The following LARGE1 variants were observed in gnomAD, a reference collection of about 807,000 sequenced individuals.
The protein encoded by LARGE1 is xylosyl- and glucuronyltransferase LARGE1.
Under a neutral mutation model 87.6 loss-of-function variants are expected in LARGE1, and 43 were observed. That is an observed-to-expected ratio of 0.49 (90% confidence interval 0.38 to 0.63). LARGE1 has a LOEUF of 0.63. Among genes scored for constraint, LARGE1 ranks in the 30% least tolerant of loss-of-function variants. The probability of loss-of-function intolerance (pLI) is 0.00; values close to 1 mark genes in which losing one functional copy is unlikely to be tolerated. For synonymous variants in LARGE1, 434 were observed against 394.6 expected (o/e 1.10, Z -1.18); for missense variants, 802 against 1,000.2 (o/e 0.80, Z 2.67).
intron 11 of LARGE1, among the ~76,000 whole-genome samples, chr22:33,170,558 G>C (rs563953143): frequency 4.6e-5 from 7 of 152,094 alleles, no homozygotes; most frequent in African/African-American, 1.7e-4. Flanking sequence ...CAATGAGGGA[G>C]ATATCATAAG....
chr22:33,915,042 C>CACACACAGAG (rs144076486), intron 1 of LARGE1, among the ~76,000 whole-genome samples: 25,157 of 136,176 alleles, frequency 0.18, 2,632 homozygotes, highest in East Asian at 0.34. Flanking sequence ...CACACACACA[C>CACACACAGAG]AGAGAGAGAG....
chr22:33,652,764 G>C (rs1393770193), intron 2 of LARGE1, among the ~76,000 whole-genome samples: 2 of 152,188 alleles, frequency 1.3e-5, no homozygotes, highest in African/African-American at 4.8e-5. Flanking sequence ...ACTTGTGCTT[G>C]TGTCGGCCTC....
chr22:33,280,153 A>G (rs187994958), intron 13 of LARGE1, among the ~76,000 whole-genome samples: 28 of 152,270 alleles, frequency 1.8e-4, no homozygotes, highest in African/African-American at 6.5e-4. Flanking sequence ...CTGGGTTCCA[A>G]TTCTGTCATT....
At chr22:33,851,894 C>G (rs967534473) in intron 1 of LARGE1, among the ~76,000 whole-genome samples, 3 of 152,194 alleles carry the variant, frequency 2.0e-5, no homozygotes, top group Admixed American at 6.5e-5. Context: ...TGAGCTGAGA[C>G]TGGGGAATGT....
At chr22:33,553,499 CA>C (rs1302123156) in intron 6 of LARGE1, among the ~76,000 whole-genome samples, 3 of 152,100 alleles carry the variant, frequency 2.0e-5, no homozygotes, top group African/African-American at 4.8e-5. Context: ...CTGGGTGACA[CA>C]ACAAGACCCT....
Position 33,827,710 on chromosome 22 carries a change from T to C in LARGE1, c.-82-66152A>G, listed in dbSNP as rs780611693. On this transcript the variant is annotated intron_variant, in intron 1 of 14. Transcript: ENST00000397394. Reference sequence around the variant, plus strand: ...GCTGACATCGTGGTGTAGAGCCAAGTGGGCCCGTCACGGAGACTGGGAAGG... The same window carrying C: ...GCTGACATCGTGGTGTAGAGCCAAGCGGGCCCGTCACGGAGACTGGGAAGG... 1.1e-3 allele frequency among the ~76,000 whole-genome samples: 164 copies of C among 152,282 alleles called. 1 individual carries two copies. Among genetic ancestry groups the C allele is most frequent in the Non-Finnish European group, 1.9e-3 (130 of 68,012 alleles).
intron 2 of LARGE1, among the ~76,000 whole-genome samples, chr22:33,753,756 C>T (rs187594792): frequency 1.1e-4 from 16 of 152,156 alleles, no homozygotes; most frequent in East Asian, 7.7e-4. Context: ...CCAAAGGCTA[C>T]GTATAAGAAA....
chr22:33,675,729 A>G (rs1379873861), intron 2 of LARGE1, among the ~76,000 whole-genome samples: 1 of 152,186 alleles, frequency 6.6e-6, no homozygotes, highest in Non-Finnish European at 1.5e-5. Flanking sequence ...ATAACTCTCC[A>G]ATAACCACTC....
At chr22:33,752,656 G>C (rs1479718943) in intron 2 of LARGE1, among the ~76,000 whole-genome samples, 1 of 152,206 alleles carries the variant, frequency 6.6e-6, no homozygotes, top group Admixed American at 6.5e-5. Context: ...TCCAAGGGAA[G>C]GATGAGATGT....
At chr22:33,882,140 T>G (rs2064713209) in intron 1 of LARGE1, among the ~76,000 whole-genome samples, 1 of 151,782 alleles carries the variant, frequency 6.6e-6, no homozygotes, top group Non-Finnish European at 1.5e-5. Flanking sequence ...CCTCCCGGGT[T>G]CACACCATTC....
intron 5 of LARGE1, among the ~76,000 whole-genome samples, chr22:33,584,151 T>C (rs961917645): frequency 8.5e-5 from 13 of 152,228 alleles, no homozygotes; most frequent in Non-Finnish European, 1.9e-4. Flanking sequence ...GTATTAACTT[T>C]TATAGCTAAG....
chr22:33,103,301 C>T, the LARGE1 span, among the ~76,000 whole-genome samples: 14 of 151,604 alleles, frequency 9.2e-5, no homozygotes, highest in African/African-American at 1.7e-4. Context: ...GGCGTGGTGG[C>T]GGGCGCCTGT....
At chr22:33,876,379 G>C (rs548230630) in intron 1 of LARGE1, among the ~76,000 whole-genome samples, 20 of 152,100 alleles carry the variant, frequency 1.3e-4, no homozygotes, top group Admixed American at 1.1e-3. Context: ...ATGGGAGAGG[G>C]GGAGGTGCAC....
chr22:33,344,348 G>A (rs1359565608), intron 9 of LARGE1, among the ~76,000 whole-genome samples: 6 of 152,070 alleles, frequency 3.9e-5, no homozygotes, highest in Non-Finnish European at 8.8e-5. Flanking sequence ...ATACACACAA[G>A]AGACCATACT....
Position 33,461,630 on chromosome 22 carries a change from T to C in LARGE1, c.788-29365A>G, listed in dbSNP as rs1029817860. On this transcript the variant is annotated intron_variant, in intron 6 of 14. Transcript: ENST00000397394. ...AACAAACCTGCATGTTGTGCACATG[T>C]ACCCTAGAACTTAAAGTATAATTTA... 9.1e-5 allele frequency among the ~76,000 whole-genome samples: 13 copies of C among 143,630 alleles called. No individual in the cohort carries two copies. In the East Asian group the frequency reaches 2.6e-3, roughly 29 times the overall value. The allele number at this position is 143,630 out of a possible 152,430, so 94.2% of individuals were successfully genotyped here. A position where few individuals can be genotyped will look rare whatever the true frequency, so the allele number is the denominator to read the frequency against.
chr22:33,765,129 A>G (rs546196508), intron 1 of LARGE1, among the ~76,000 whole-genome samples: 1 of 152,252 alleles, frequency 6.6e-6, no homozygotes, highest in Admixed American at 6.5e-5. Context: ...TACGAGATAA[A>G]CACTATTTCC....
chr22:33,769,961 G>A (rs1172698971), intron 1 of LARGE1, among the ~76,000 whole-genome samples: 1 of 152,126 alleles, frequency 6.6e-6, no homozygotes, highest in East Asian at 1.9e-4. Context: ...ACAGGTTATA[G>A]TAATTTACTT....
chr22:33,646,918 AG>A (rs1485989974), intron 3 of LARGE1, among the ~76,000 whole-genome samples: 1 of 152,118 alleles, frequency 6.6e-6, no homozygotes, highest in Non-Finnish European at 1.5e-5. Context: ...TAGTAGAAAC[AG>A]GGTTTCACCA....
intron 6 of LARGE1, among the ~76,000 whole-genome samples, chr22:33,496,362 C>G (rs1445506781): frequency 6.6e-6 from 1 of 152,182 alleles, no homozygotes; most frequent in Non-Finnish European, 1.5e-5. Context: ...GACACTCAAT[C>G]TTAACCATCA....
Sources: allele counts gnomAD v4.1 joint callset (sites outside exome capture counted in the v4.1 genomes callset), GRCh38; gene constraint gnomAD v4.1.1; transcripts MANE v1.5; gene names NCBI Gene and HGNC (gene_info 2026-07-23, HGNC 2026-07-21).